The following PLEKHA5 variants were observed in gnomAD, a reference collection of about 807,000 sequenced individuals.
The protein encoded by PLEKHA5 is pleckstrin homology domain-containing family A member 5.
Under a neutral mutation model 181.9 loss-of-function variants are expected in PLEKHA5, and 55 were observed. That is an observed-to-expected ratio of 0.30 (90% CI 0.24 to 0.38). The LOEUF is 0.38. Ranked by LOEUF, PLEKHA5 falls within the 10% of genes least tolerant of loss-of-function variation. The pLI, the probability that PLEKHA5 is intolerant of heterozygous loss-of-function variation, is 1.00. For missense variants in PLEKHA5, 1,432 were observed against 1,549.5 expected (o/e 0.92, Z 1.27); for synonymous variants, 535 against 529.4 (o/e 1.01, Z -0.15).
intron 3 of PLEKHA5, among the ~76,000 whole-genome samples, chr12:19,191,528 T>C (rs185541210): frequency 9.2e-5 from 14 of 152,350 alleles, no homozygotes; most frequent in Admixed American, 8.5e-4. Context: ...TTTCAACTGC[T>C]GCTGCCAAGA....
chr12:19,260,599 G>A (rs192037776), intron 6 of PLEKHA5, among the ~76,000 whole-genome samples: 78 of 152,268 alleles, frequency 5.1e-4, no homozygotes, highest in African/African-American at 1.9e-3. Context: ...GCTCAAGCCT[G>A]TAATCCCAGC....
intron 20 of PLEKHA5, among the ~76,000 whole-genome samples, chr12:19,329,537 C>T (rs1247946592): frequency 6.6e-6 from 1 of 152,038 alleles, no homozygotes; most frequent in Non-Finnish European, 1.5e-5. Context: ...TTAAGTGTTT[C>T]AGTTTCTTCC....
At chr12:19,247,250 G>T (rs1484608664) in intron 3 of PLEKHA5, among the ~76,000 whole-genome samples, 2 of 152,152 alleles carry the variant, frequency 1.3e-5, no homozygotes, top group Non-Finnish European at 2.9e-5. Context: ...ACTTAAAGTT[G>T]ATTTAAACCT....
chr12:19,291,601 A>G (rs1378887707), intron 14 of PLEKHA5, 43 bp from the exon 15 acceptor site: 1 of 1,198,078 alleles, frequency 8.3e-7, no homozygotes, highest in Non-Finnish European at 1.2e-6. Flanking sequence ...TGAATTCCAC[A>G]TCCTCTTTCT....
chr12:19,353,965 C>A lies in PLEKHA5; in HGVS notation c.3101C>A (p.Thr1034Asn). Residue 1034 changes from threonine to asparagine, a missense_variant, in exon 26 of 32, where the codon ACC (threonine) becomes AAC (asparagine). Physicochemically the swap from Thr to Asn is moderately conservative, Grantham distance 65. This residue lies in a region of PLEKHA5 where 1,143 missense variants were observed against 1,168.4 expected (regional missense o/e 0.98). Coordinates refer to ENST00000429027, the MANE Select transcript of PLEKHA5 (RefSeq NM_001256470.2). ...PESSTIASYV[T>N]LRKTKKMMDL... ...TCTTCGACAATAGCTTCCTATGTAACCTTGAGGAAAACTAAGAAGATGATG... is the reference window on the plus strand; with the variant it reads ...TCTTCGACAATAGCTTCCTATGTAAACTTGAGGAAAACTAAGAAGATGATG... 4 of 1,604,828 alleles carry A rather than the reference C, an allele frequency of 2.5e-6. No individual in the cohort carries two copies. The highest frequency in any genetic ancestry group is 3.4e-6 in the Non-Finnish European group (4 of 1,171,880).
At chr12:19,359,570 G>T (rs769662227) in intron 28 of PLEKHA5, 24 bp downstream of exon 28, 2 of 1,604,978 alleles carry the variant, frequency 1.2e-6, no homozygotes, top group East Asian at 2.2e-5. Flanking sequence ...TTTATGAAAG[G>T]TATTCCAAAG....
intron 3 of PLEKHA5, among the ~76,000 whole-genome samples, chr12:19,222,369 G>A (rs1321724729): frequency 1.3e-5 from 2 of 152,054 alleles, no homozygotes; most frequent in Non-Finnish European, 2.9e-5. Context: ...TCTTGGTACA[G>A]TTTCCCTTTG....
At chr12:19,369,143 T>C (rs2095511863) in intron 30 of PLEKHA5, among the ~76,000 whole-genome samples, 1 of 151,986 alleles carries the variant, frequency 6.6e-6, no homozygotes, top group Non-Finnish European at 1.5e-5. Flanking sequence ...CAAGCATTTC[T>C]CCTACCCCGG....
At position 19,129,756 on chromosome 12, in the gene PLEKHA5, C is replaced by G. The variant is rs773643767; in HGVS notation, c.-44C>G. 2 of 1,469,610 alleles carry G rather than the reference C, an allele frequency of 1.4e-6. No homozygotes were observed. Among genetic ancestry groups the G allele is most frequent in the East Asian group, 2.5e-5 (1 of 40,170 alleles). The allele number at this position is 1,469,610 out of a possible 1,614,324, so 91.0% of individuals were successfully genotyped here. A position where few individuals can be genotyped will look rare whatever the true frequency, so the allele number is the denominator to read the frequency against. On this transcript the variant is annotated 5_prime_UTR_variant, in exon 1 of 32. Transcript: ENST00000429027. ...TCGTTCCCTCCTCCCTCGGCAGCCG[C>G]GGCGGCAGCAGGAGAAGGCGGCGGC... is the stretch of plus-strand genomic sequence containing the variant.
At chr12:19,317,145 T>A (rs1592463789) in intron 16 of PLEKHA5, among the ~76,000 whole-genome samples, 1 of 152,202 alleles carries the variant, frequency 6.6e-6, no homozygotes, top group East Asian at 1.9e-4. Flanking sequence ...AGCTGAAGGA[T>A]CGCTTGAGGC....
intron 20 of PLEKHA5, among the ~76,000 whole-genome samples, chr12:19,323,534 A>G (rs1035988702): frequency 6.6e-6 from 1 of 151,618 alleles, no homozygotes; most frequent in Non-Finnish European, 1.5e-5. Flanking sequence ...TATAAATAGC[A>G]AGGCTGGGTG....
intron 3 of PLEKHA5, among the ~76,000 whole-genome samples, chr12:19,138,442 G>A (rs1016864622): frequency 5.9e-5 from 9 of 151,660 alleles, no homozygotes; most frequent in African/African-American, 1.5e-4. Flanking sequence ...GTGTGGTGGC[G>A]GGCTCCTGTA....
chr12:19,152,743 C>T (rs2040732581), intron 3 of PLEKHA5: 1 of 152,088 alleles, frequency 6.6e-6, no homozygotes, highest in African/African-American at 2.4e-5. Context: ...ACATGATACT[C>T]AGCTTAAAAT....
At chr12:19,250,819 G>A (rs759091029) in intron 3 of PLEKHA5, among the ~76,000 whole-genome samples, 16 of 151,886 alleles carry the variant, frequency 1.1e-4, no homozygotes, top group African/African-American at 3.4e-4. Flanking sequence ...AGTGCAATAC[G>A]TATTGCAAAA....
At chr12:19,277,917 G>C (rs1264958745) in intron 11 of PLEKHA5, among the ~76,000 whole-genome samples, 1 of 152,196 alleles carries the variant, frequency 6.6e-6, no homozygotes, top group African/African-American at 2.4e-5. Context: ...GAATCACAGG[G>C]AAAGGGCTTT....
intron 29 of PLEKHA5, among the ~76,000 whole-genome samples, chr12:19,364,597 A>G (rs868351473): frequency 1.1e-4 from 16 of 152,224 alleles, no homozygotes; most frequent in Middle Eastern, 3.4e-3. Flanking sequence ...TGCCAAAGCT[A>G]TCAGCTGAAA....
chr12:19,361,846 A>C (rs1303465683), intron 29 of PLEKHA5, 140 bp downstream of exon 29: 6 of 697,574 alleles, frequency 8.6e-6, no homozygotes, highest in Non-Finnish European at 1.2e-5. Context: ...AAGTTATATA[A>C]CCTCTTAAAC....
chr12:19,264,847 A>G (rs2069782045), intron 7 of PLEKHA5, among the ~76,000 whole-genome samples: 1 of 152,188 alleles, frequency 6.6e-6, no homozygotes. Context: ...ATGATTTCTC[A>G]TTGGTGAGTT....
intron 3 of PLEKHA5, among the ~76,000 whole-genome samples, chr12:19,225,270 C>T (rs986194354): frequency 2.6e-5 from 4 of 152,262 alleles, no homozygotes; most frequent in South Asian, 2.1e-4. Flanking sequence ...CCATTGCCTA[C>T]TGCGTGTGTC....
Sources: allele counts gnomAD v4.1 joint callset (sites outside exome capture counted in the v4.1 genomes callset), GRCh38; gene constraint gnomAD v4.1.1; regional missense constraint gnomAD v4.1.1; transcripts MANE v1.5; gene names NCBI Gene and HGNC (gene_info 2026-07-23, HGNC 2026-07-21).